The following B4GALT6 variants were observed in gnomAD, a reference collection of about 807,000 sequenced individuals.
B4GALT6 encodes UDP-Gal:beta-GlcNAc beta-1,4-galactosyltransferase 6.
B4GALT6 carries 14 observed loss-of-function variants against 46.3 expected under a neutral mutation model. The observed-to-expected ratio is 0.30, with a 90% CI of 0.20 to 0.47. B4GALT6 has a LOEUF of 0.47. Ranked by LOEUF, B4GALT6 falls within the 20% of genes least tolerant of loss-of-function variation. The pLI is 0.99. For synonymous variants in B4GALT6, 168 were observed against 162.0 expected, an observed-to-expected ratio of 1.04 and a Z score of -0.28; for missense variants, 386 against 480.1, an observed-to-expected ratio of 0.80 and a Z score of 1.83.
rs1403099420 is a variant in B4GALT6 at position 31,684,501 on chromosome 18, C to G, written c.-75G>C. The G allele has an allele frequency of 7.8e-5, 122 of 1,562,496 alleles. No individual in the cohort carries two copies. Among genetic ancestry groups the G allele is most frequent in the Non-Finnish European group, 1.0e-4 (118 of 1,154,832 alleles). On this transcript the variant is annotated 5_prime_UTR_variant, in exon 1 of 9. Coordinates refer to ENST00000306851, the MANE Select transcript of B4GALT6 (RefSeq NM_004775.5). ...GGGCCACTGTCCAGGCCCTAAACTT[C>G]CATAAATGTGCTGAGAACCCCGAGA...
chr18:31,668,079 G>GCAA (rs2074303652), intron 1 of B4GALT6, among the ~76,000 whole-genome samples: 1 of 150,232 alleles, frequency 6.7e-6, no homozygotes, highest in Non-Finnish European at 1.5e-5. Flanking sequence ...CCTGGGCGAG[G>GCAA]GAGCAAGACT....
the B4GALT6 span, chr18:31,724,122 T>C: frequency 1.1e-5 from 3 of 278,738 alleles, no homozygotes; most frequent in South Asian, 1.1e-4. Context: ...GCGGAGCGGA[T>C]CTGGACCCGA....
intron 3 of B4GALT6, among the ~76,000 whole-genome samples, chr18:31,656,435 A>G (rs1447244634): frequency 6.6e-6 from 1 of 152,108 alleles, no homozygotes; most frequent in African/African-American, 2.4e-5. Context: ...AAAAAAGCTA[A>G]AATAATAGCC....
intron 1 of B4GALT6, among the ~76,000 whole-genome samples, chr18:31,678,009 C>T (rs1301914190): frequency 6.6e-6 from 1 of 152,168 alleles, no homozygotes; most frequent in Non-Finnish European, 1.5e-5. Flanking sequence ...TTAAGACAAA[C>T]ATGAAAGGCA....
intron 5 of B4GALT6, among the ~76,000 whole-genome samples, chr18:31,636,432 C>G (rs2073859803): frequency 6.6e-6 from 1 of 152,072 alleles, no homozygotes; most frequent in African/African-American, 2.4e-5. Context: ...AAAGACAACC[C>G]AATTAAAATA....
rs2073665528 is a variant in B4GALT6, at chr18:31,624,750, G to A, written c.*864C>T. 6.6e-6 allele frequency: 1 copy of A among 152,190 alleles called. No individual in the cohort carries two copies. Among genetic ancestry groups the A allele is most frequent in the Non-Finnish European group, 1.5e-5 (1 of 67,940 alleles). The allele number at this position is 152,190 out of a possible 1,614,324, so 9.4% of individuals were successfully genotyped here. A position where few individuals can be genotyped will look rare whatever the true frequency, so the allele number is the denominator to read the frequency against. Reference sequence around the variant, plus strand: ...ATACACAGTATAAACACACAACCTTGGAAACATTTTTTGAGGCACAAAATC... The same window carrying A: ...ATACACAGTATAAACACACAACCTTAGAAACATTTTTTGAGGCACAAAATC... On this transcript the variant is annotated 3_prime_UTR_variant, in exon 9 of 9. Coordinates refer to ENST00000306851, the MANE Select transcript of B4GALT6 (RefSeq NM_004775.5).
At chr18:31,716,060 A>G in the B4GALT6 span, among the ~76,000 whole-genome samples, 1 of 152,184 alleles carries the variant, frequency 6.6e-6, no homozygotes, top group Non-Finnish European at 1.5e-5. Context: ...CTAGGACCCA[A>G]ACTCAGGTCT....
At chr18:31,628,310 C>G (rs941255424) in intron 6 of B4GALT6, among the ~76,000 whole-genome samples, 4 of 152,172 alleles carry the variant, frequency 2.6e-5, no homozygotes, top group African/African-American at 9.7e-5. Context: ...AATAAGCATT[C>G]TTGGCACCGT....
At chr18:31,714,998 A>T in the B4GALT6 span, among the ~76,000 whole-genome samples, 1 of 152,262 alleles carries the variant, frequency 6.6e-6, no homozygotes, top group Admixed American at 6.5e-5. Flanking sequence ...ATAAACAATG[A>T]ATTTGTTTAT....
In B4GALT6 at chr18:31,630,933, T is replaced by C. The variant is rs374256252; in HGVS notation, c.776+26A>G. ...ATGACTGTGCAATTATATCGTACAA[T>C]ATCAGGAATAGTGCACACTACTTAC... On this transcript the variant is annotated intron_variant, in intron 6 of 8. Transcript: ENST00000306851. The C allele has an allele frequency of 9.3e-6, 15 of 1,610,702 alleles. 1 individual carries two copies. The highest frequency in any genetic ancestry group is 1.3e-5 in the African/African-American group (1 of 74,852).
chr18:31,676,059 C>T (rs1354920261), intron 1 of B4GALT6, among the ~76,000 whole-genome samples: 1 of 152,052 alleles, frequency 6.6e-6, no homozygotes, highest in African/African-American at 2.4e-5. Context: ...GTAAACAAGG[C>T]ACCTTTTAAT....
At chr18:31,651,768 T>G (rs1410119053) in intron 3 of B4GALT6, among the ~76,000 whole-genome samples, 1 of 152,080 alleles carries the variant, frequency 6.6e-6, no homozygotes, top group East Asian at 1.9e-4. Context: ...AGTTCTCTTC[T>G]CTTCATCTTT....
At chr18:31,721,156 G>T in the B4GALT6 span, among the ~76,000 whole-genome samples, 343 of 141,278 alleles carry the variant, frequency 2.4e-3, no homozygotes, top group Non-Finnish European at 4.0e-3. Flanking sequence ...GAAAGTCTTT[G>T]TAACAGCGTA....
At chr18:31,631,969 A>T (rs1017453776) in intron 5 of B4GALT6, among the ~76,000 whole-genome samples, 1 of 152,206 alleles carries the variant, frequency 6.6e-6, no homozygotes, top group African/African-American at 2.4e-5. Flanking sequence ...TTTATTACAC[A>T]GAACCCAACT....
At chr18:31,720,561 C>T in the B4GALT6 span, among the ~76,000 whole-genome samples, 2 of 152,348 alleles carry the variant, frequency 1.3e-5, no homozygotes, top group South Asian at 2.1e-4. Flanking sequence ...TGACGCCCAC[C>T]CATGTGGAGT....
chr18:31,684,473 TC>T lies in B4GALT6; in HGVS notation c.-48del. On this transcript the variant is annotated 5_prime_UTR_variant, in exon 1 of 9. Transcript: ENST00000306851. Reference sequence around the variant, plus strand: ...CCCAGGCTGCGCTCTCAGGCCGGACTCGGGGCCACTGTCCAGGCCCTAAACT... The same window carrying T: ...CCCAGGCTGCGCTCTCAGGCCGGACTGGGGCCACTGTCCAGGCCCTAAACT... The T allele has an allele frequency of 6.3e-7, 1 of 1,597,570 alleles. No individual in the cohort carries two copies. Among genetic ancestry groups the T allele is most frequent in the Admixed American group, 1.7e-5 (1 of 57,260 alleles).
intron 4 of B4GALT6, among the ~76,000 whole-genome samples, chr18:31,642,122 T>C (rs2073937272): frequency 6.6e-6 from 1 of 152,216 alleles, no homozygotes; most frequent in African/African-American, 2.4e-5. Context: ...AAATGCAAGT[T>C]CTTGTTCCTT....
Position 31,625,293 on chromosome 18 carries a change from C to T in B4GALT6, c.*321G>A, listed in dbSNP as rs141281932. On this transcript the variant is annotated 3_prime_UTR_variant, in exon 9 of 9. Coordinates refer to ENST00000306851, the MANE Select transcript of B4GALT6 (RefSeq NM_004775.5). ...CACATATATACAAAATATGTTTAAA[C>T]GGAAATAAAAGCATTCTCTTGAATT... is the stretch of plus-strand genomic sequence containing the variant. The T allele has an allele frequency of 3.1e-3, 748 of 243,010 alleles. 7 individuals are homozygous for T. Among genetic ancestry groups the T allele is most frequent in the African/African-American group, 0.016 (693 of 44,236 alleles). 15.1% of individuals were successfully genotyped at this position (243,010 alleles called of 1,614,324 possible).
At chr18:31,722,640 G>C in the B4GALT6 span, among the ~76,000 whole-genome samples, 1 of 152,288 alleles carries the variant, frequency 6.6e-6, no homozygotes, top group African/African-American at 2.4e-5. Context: ...TAGGAGCACA[G>C]GCCTGAAGTG....
Sources: allele counts gnomAD v4.1 joint callset (sites outside exome capture counted in the v4.1 genomes callset), GRCh38; gene constraint gnomAD v4.1.1; transcripts MANE v1.5; gene names NCBI Gene and HGNC (gene_info 2026-07-23, HGNC 2026-07-21).